The following PRSS38 variants were observed in gnomAD, a reference collection of about 807,000 sequenced individuals.
The protein encoded by PRSS38 is marapsin 2.
PRSS38 carries 22 observed loss-of-function variants against 26.8 expected under a neutral mutation model. The ratio of observed to expected loss-of-function variants is 0.82; its 90% CI spans 0.59 to 1.17. The LOEUF is 1.17. Ranked by LOEUF, PRSS38 falls within the 50% of genes most tolerant of loss-of-function variation. The probability of loss-of-function intolerance (pLI) is 0.00; values close to 1 mark genes in which losing one functional copy is unlikely to be tolerated. For missense variants in PRSS38, 427 were observed against 422.7 expected, an observed-to-expected ratio of 1.01 and a Z score of -0.09; for synonymous variants, 175 against 172.1, an observed-to-expected ratio of 1.02 and a Z score of -0.13.
intron 3 of PRSS38, among the ~76,000 whole-genome samples, chr1:227,843,898 T>TA (rs754735655): frequency 6.6e-6 from 1 of 151,374 alleles, no homozygotes; most frequent in Non-Finnish European, 1.5e-5. Flanking sequence ...TGCGCACCTG[T>TA]AATCCCAGCT....
At chr1:227,845,122 G>A (rs540390867) in intron 3 of PRSS38, among the ~76,000 whole-genome samples, 1 of 146,888 alleles carries the variant, frequency 6.8e-6, no homozygotes, top group East Asian at 2.1e-4. Flanking sequence ...ATGTGTGGTG[G>A]GGCTCCTCCC....
chr1:227,818,699 A>C (rs928383864), intron 3 of PRSS38, among the ~76,000 whole-genome samples: 4 of 149,196 alleles, frequency 2.7e-5, no homozygotes, highest in African/African-American at 9.8e-5. Flanking sequence ...AAAAAAAAAA[A>C]CGTATTTAAT....
intron 3 of PRSS38, among the ~76,000 whole-genome samples, chr1:227,844,567 G>A (rs1665386931): frequency 7.0e-6 from 1 of 142,180 alleles, no homozygotes; most frequent in African/African-American, 3.0e-5. Context: ...CCTATGTGTG[G>A]TCAAAACTCC....
At chr1:227,830,623 C>A (rs1269116620) in intron 3 of PRSS38, among the ~76,000 whole-genome samples, 1 of 150,656 alleles carries the variant, frequency 6.6e-6, no homozygotes, top group South Asian at 2.1e-4. Flanking sequence ...GCCTGAGTAG[C>A]TGGGATTACA....
At position 227,817,400 on chromosome 1, in the gene PRSS38, C is replaced by G. The variant is rs752961641; in HGVS notation, c.503C>G (p.Pro168Arg). The G allele has an allele frequency of 2.5e-6, 4 of 1,614,174 alleles. No homozygotes were observed. Residue 168 changes from proline (P) to arginine (R), a missense_variant, in exon 3 of 5, where the codon CCG becomes CGG. Transcript: ENST00000366757. The stretch of plus-strand genomic sequence containing the variant: ...ATTGTGTTTTCTGAGTCCGTGCTCC[C>G]GGTTTGCCTTGCAACTCCAGAAGTG...
intron 3 of PRSS38, among the ~76,000 whole-genome samples, chr1:227,832,466 A>G (rs1365599403): frequency 6.6e-6 from 1 of 152,174 alleles, no homozygotes; most frequent in Non-Finnish European, 1.5e-5. Flanking sequence ...CTATATTTCA[A>G]AAGATGTTTT....
chr1:227,817,999 T>C (rs72750299), intron 3 of PRSS38, among the ~76,000 whole-genome samples: 7,676 of 152,240 alleles, frequency 0.05, 395 homozygotes, highest in East Asian at 0.26. Flanking sequence ...TTTTTAGTAG[T>C]TTATCAACTG....
At chr1:227,839,942 C>T (rs376538247) in intron 3 of PRSS38, among the ~76,000 whole-genome samples, 4 of 152,122 alleles carry the variant, frequency 2.6e-5, no homozygotes, top group African/African-American at 4.8e-5. Context: ...CTTTGCCCCT[C>T]GGCTTTATCT....
At chr1:227,842,990 T>C (rs1665361224) in intron 3 of PRSS38, among the ~76,000 whole-genome samples, 1 of 152,134 alleles carries the variant, frequency 6.6e-6, no homozygotes, top group South Asian at 2.1e-4. Context: ...AGCCCACAGA[T>C]TGGAAAGCTC....
At chr1:227,815,718 T>C in exon 1 of PRSS38, 3 of 1,585,674 alleles carry the variant, frequency 1.9e-6, no homozygotes, top group Non-Finnish European at 2.6e-6. Context: ...TCGAGCCTCA[T>C]GGCTGCCCCT....
chr1:227,839,207 C>T (rs749823541), intron 3 of PRSS38, among the ~76,000 whole-genome samples: 50 of 152,104 alleles, frequency 3.3e-4, no homozygotes, highest in Non-Finnish European at 6.2e-4. Flanking sequence ...AGCCTGTAAT[C>T]CCAGCAATTT....
chr1:227,822,235 C>T (rs901770980), intron 3 of PRSS38, among the ~76,000 whole-genome samples: 3 of 151,778 alleles, frequency 2.0e-5, no homozygotes, highest in African/African-American at 4.8e-5. Flanking sequence ...TATTATTTTC[C>T]TGATTTTCTT....
chr1:227,833,000 G>C (rs998211829), intron 3 of PRSS38, among the ~76,000 whole-genome samples: 3 of 152,106 alleles, frequency 2.0e-5, no homozygotes, highest in African/African-American at 4.8e-5. Context: ...AAACTACATT[G>C]AAAACTATAG....
At chr1:227,824,610 G>C (rs1665045804) in intron 3 of PRSS38, among the ~76,000 whole-genome samples, 1 of 152,104 alleles carries the variant, frequency 6.6e-6, no homozygotes, top group Non-Finnish European at 1.5e-5. Flanking sequence ...GGGTCAGATA[G>C]TATTTCTGCC....
chr1:227,844,699 G>C (rs538497975), intron 3 of PRSS38, among the ~76,000 whole-genome samples: 23 of 145,050 alleles, frequency 1.6e-4, no homozygotes, highest in Admixed American at 8.2e-4. Flanking sequence ...CCCTATGTGT[G>C]GTCAGGACTC....
chr1:227,826,314 G>A (rs138122543), intron 3 of PRSS38, among the ~76,000 whole-genome samples: 11 of 152,274 alleles, frequency 7.2e-5, no homozygotes, highest in East Asian at 5.8e-4. Context: ...ATACAGGATC[G>A]TGTCATCTGC....
chr1:227,821,202 T>C (rs755684469), intron 3 of PRSS38, among the ~76,000 whole-genome samples: 3 of 152,154 alleles, frequency 2.0e-5, no homozygotes, highest in Non-Finnish European at 2.9e-5. Flanking sequence ...TCCATGTCCC[T>C]GCAAAGGACA....
chr1:227,838,684 C>A (rs1354401783), intron 3 of PRSS38, among the ~76,000 whole-genome samples: 1 of 152,196 alleles, frequency 6.6e-6, no homozygotes, highest in African/African-American at 2.4e-5. Context: ...ACAGGACTTA[C>A]ATACTCAGCT....
At chr1:227,841,725 C>A (rs1386600698) in intron 3 of PRSS38, among the ~76,000 whole-genome samples, 1 of 152,172 alleles carries the variant, frequency 6.6e-6, no homozygotes, top group East Asian at 1.9e-4. Context: ...AAACCAGGAC[C>A]ACCCACCTCC....
Sources: allele counts gnomAD v4.1 joint callset (sites outside exome capture counted in the v4.1 genomes callset), GRCh38; gene constraint gnomAD v4.1.1; transcripts MANE v1.5; gene names NCBI Gene and HGNC (gene_info 2026-07-23, HGNC 2026-07-21).